Variants in EML5 observed in about 807,000 individuals in gnomAD.
EML5 encodes EMAP like 5.
Under a neutral mutation model 250.0 loss-of-function variants are expected in EML5, and 120 were observed. The ratio of observed to expected loss-of-function variants is 0.48; its 90% CI spans 0.41 to 0.56. The LOEUF is 0.56. EML5 is among the 20% of genes least tolerant of loss of function. The pLI is 0.00. For synonymous variants in EML5, 771 were observed against 806.5 expected, an observed-to-expected ratio of 0.96 and a Z score of 0.75; for missense variants, 2,006 against 2,437.6, an observed-to-expected ratio of 0.82 and a Z score of 3.73.
chr14:88,708,601 GGCAT>G (rs1323244047), intron 10 of EML5, among the ~76,000 whole-genome samples: 1 of 151,976 alleles, frequency 6.6e-6, no homozygotes, highest in Non-Finnish European at 1.5e-5. Flanking sequence ...AAACTGAGAG[GGCAT>G]GAACATGATT....
intron 1 of EML5, among the ~76,000 whole-genome samples, chr14:88,784,119 A>T (rs973590129): frequency 3.3e-5 from 5 of 152,240 alleles, no homozygotes; most frequent in African/African-American, 1.2e-4. Context: ...TGGAAACAAC[A>T]TAACAAAACC....
chr14:88,767,851 C>T (rs2094340370), intron 1 of EML5, among the ~76,000 whole-genome samples: 1 of 148,156 alleles, frequency 6.7e-6, no homozygotes, highest in African/African-American at 2.5e-5. Context: ...AACATTAGTA[C>T]AATATCATTA....
chr14:88,618,517 G>A (rs901799177), intron 40 of EML5, 133 bp downstream of exon 40: 10 of 1,176,760 alleles, frequency 8.5e-6, no homozygotes, highest in Middle Eastern at 2.1e-4. Flanking sequence ...AAGGGGAGCT[G>A]TAGGTCAGAA....
chr14:88,775,297 C>G lies in EML5; in HGVS notation c.197+17010G>C, dbSNP rs143470518. Among the ~76,000 whole-genome samples, 160 of 151,958 alleles carry G rather than the reference C, an allele frequency of 1.1e-3. 1 individual carries two copies. Among genetic ancestry groups the G allele is most frequent in the African/African-American group, 3.3e-3 (136 of 41,378 alleles). On this transcript the variant is annotated intron_variant, in intron 1 of 43. Coordinates refer to ENST00000554922, the MANE Select transcript of EML5 (RefSeq NM_183387.3). The stretch of plus-strand genomic sequence containing the variant: ...AGCATGGCCATAGGGGTGGGTAGAT[C>G]ACCAAGTGGGATCTTTGGGTCCCCA...
chr14:88,755,541 T>C (rs1595787383), intron 1 of EML5, among the ~76,000 whole-genome samples: 2 of 152,190 alleles, frequency 1.3e-5, no homozygotes, highest in Non-Finnish European at 2.9e-5. Context: ...TAATAGTTTA[T>C]GTACATCAGC....
At position 88,792,272 on chromosome 14, in the gene EML5, G is replaced by A; in HGVS notation, c.197+35C>T. 1.3e-6 allele frequency: 2 copies of A among 1,539,538 alleles called. No homozygotes were observed. The highest frequency in any genetic ancestry group is 1.7e-6 in the Non-Finnish European group (2 of 1,144,030). ...CGGGTGCAAACTCCGGGAGCGGCTT[G>A]CAGGGTGACGGCGGCGGCCCCCGCT... On this transcript the variant is annotated intron_variant, in intron 1 of 43. Transcript: ENST00000554922. This position sits in a 1 kb window ranked among gnomAD's most constrained non-coding sequence, Gnocchi z 6.9.
At chr14:88,766,337 C>A (rs147825207) in intron 1 of EML5, among the ~76,000 whole-genome samples, 3,093 of 152,248 alleles carry the variant, frequency 0.02, 101 homozygotes, top group African/African-American at 0.067. Context: ...AGAAATATTG[C>A]TGAATTCTTT....
Position 88,624,957 on chromosome 14 carries a change from A to G in EML5, c.4898+13T>C, listed in dbSNP as rs757065715. 2.0e-5 allele frequency: 32 copies of G among 1,612,146 alleles called. No homozygotes were observed. Among genetic ancestry groups the G allele is most frequent in the Non-Finnish European group, 2.6e-5 (31 of 1,179,188 alleles). ...AAATGCATAAATATTCTGTGAAAAG[A>G]AAGAGGACTCACGGCCTTTCCTTTC... On this transcript the variant is annotated intron_variant, in intron 36 of 43. Coordinates refer to ENST00000554922, the MANE Select transcript of EML5 (RefSeq NM_183387.3).
intron 21 of EML5, among the ~76,000 whole-genome samples, chr14:88,674,123 G>T (rs565501003): frequency 3.3e-5 from 5 of 152,218 alleles, no homozygotes; most frequent in African/African-American, 9.6e-5. Context: ...ACAAAAATTA[G>T]CCAGGCATGG....
chr14:88,746,178 T>A lies in EML5; in HGVS notation c.456+7A>T. On this transcript the variant is annotated splice_region_variant and intron_variant, in intron 3 of 43. Transcript: ENST00000554922. ...ACTCATTAGAAATCTCAAAAGAGAA[T>A]ACTTACTCTATCTGTATGACCAGGA... 1 of 1,605,132 alleles carries A rather than the reference T, an allele frequency of 6.2e-7. No homozygotes were observed. The highest frequency in any genetic ancestry group is 1.1e-5 in the South Asian group (1 of 90,492).
At chr14:88,789,236 T>C (rs1355728435) in intron 1 of EML5, among the ~76,000 whole-genome samples, 1 of 152,170 alleles carries the variant, frequency 6.6e-6, no homozygotes, top group African/African-American at 2.4e-5. Flanking sequence ...TATAGATTTA[T>C]AGATTTTATA....
Position 88,754,612 on chromosome 14 carries a change from T to G in EML5, c.257A>C (p.Tyr86Ser). 1 of 1,613,254 alleles carries G rather than the reference T, an allele frequency of 6.2e-7. No individual in the cohort carries two copies. The highest frequency in any genetic ancestry group is 8.5e-7 in the Non-Finnish European group (1 of 1,179,588). The stretch of plus-strand genomic sequence containing the variant: ...AGTGTATGAATCCCAAATACAAATA[T>G]AAGGCTCTTTCCCAACTTGTCCTGT... ...VATGQVGKEP[Y>S]ICIWDSYTVQ... is the part of the protein sequence containing the mutation. Residue 86 changes from tyrosine to serine, a missense_variant, in exon 2 of 44, where the codon TAT becomes TCT. Tyr to Ser is a moderately radical substitution (Grantham distance 144). Coordinates refer to ENST00000554922, the MANE Select transcript of EML5 (RefSeq NM_183387.3).
chr14:88,761,410 C>G (rs1595810323), intron 1 of EML5, among the ~76,000 whole-genome samples: 1 of 152,236 alleles, frequency 6.6e-6, no homozygotes, highest in East Asian at 1.9e-4. Flanking sequence ...CCCATATGTT[C>G]TCATTGTTCA....
In EML5 at chr14:88,705,597, T is replaced by C; in HGVS notation, c.1826-9A>G. ...AGAGTCAGCCAGACTTTCTGTAATT[T>C]TTAAAAATGAAATGTTACTTGTTTA... On this transcript the variant is annotated splice_polypyrimidine_tract_variant and intron_variant, in intron 11 of 43. Coordinates refer to ENST00000554922, the MANE Select transcript of EML5 (RefSeq NM_183387.3). 6.4e-7 allele frequency: 1 copy of C among 1,555,144 alleles called. No homozygotes were observed. The highest frequency in any genetic ancestry group is 8.7e-7 in the Non-Finnish European group (1 of 1,144,582).
chr14:88,727,740 AC>A (rs1267762933), intron 7 of EML5, among the ~76,000 whole-genome samples: 2 of 152,086 alleles, frequency 1.3e-5, no homozygotes, highest in African/African-American at 4.8e-5. Flanking sequence ...TGATTCTTTC[AC>A]TTTTAGATAG....
intron 1 of EML5, among the ~76,000 whole-genome samples, chr14:88,775,231 C>T (rs1182829077): frequency 1.3e-5 from 2 of 152,190 alleles, no homozygotes; most frequent in Non-Finnish European, 2.9e-5. Flanking sequence ...TTGAGAAAAG[C>T]GGAGTGAAAA....
chr14:88,737,976 C>A (rs1044857090), intron 6 of EML5, among the ~76,000 whole-genome samples: 1 of 152,094 alleles, frequency 6.6e-6, no homozygotes, highest in African/African-American at 2.4e-5. Flanking sequence ...TTTCTGCCTA[C>A]TCCTGAATGT....
chr14:88,642,976 C>T lies in EML5; in HGVS notation c.4154G>A (p.Arg1385Lys). Residue 1385 changes from arginine (R) to lysine (K), a missense_variant, in exon 31 of 44, where the codon AGG (arginine) becomes AAG (lysine). Arg to Lys is a conservative substitution (Grantham distance 26, BLOSUM62 2). Transcript: ENST00000554922. ...ATCATTTAAATAGTGAACATTATTC[C>T]TACAGTCTCTGCCTCGATAACCAAA... ...LIFGYRGRDC[R>K]NNVHYLNDGD... 1.2e-6 allele frequency: 2 copies of T among 1,604,204 alleles called. No individual in the cohort carries two copies. The highest frequency in any genetic ancestry group is 1.7e-6 in the Non-Finnish European group (2 of 1,177,174).
chr14:88,705,223 T>A (rs2093295250), intron 12 of EML5, among the ~76,000 whole-genome samples: 1 of 152,098 alleles, frequency 6.6e-6, no homozygotes, highest in Admixed American at 6.6e-5. Flanking sequence ...AAAAGAATAT[T>A]GTTAAAGGAA....
Sources: gnomAD v4.1 joint callset for allele counts (sites outside exome capture counted in the v4.1 genomes callset) on GRCh38, gnomAD v4.1.1 for gene constraint, Gnocchi (gnomAD v3.1) non-coding constraint, MANE v1.5 for transcripts, NCBI Gene and HGNC (gene_info 2026-07-23, HGNC 2026-07-21) for gene names.